AASS: variants seen among roughly 807,000 people sequenced by gnomAD.
AASS encodes the protein aminoadipate-semialdehyde synthase, also known as alpha-aminoadipic semialdehyde synthase, mitochondrial.
AASS carries 86 observed loss-of-function variants against 105.4 expected under a neutral mutation model. The ratio of observed to expected loss-of-function variants is 0.82; its 90% CI spans 0.69 to 0.98. The LOEUF (loss-of-function observed/expected upper bound fraction) is 0.98, where lower values mean the gene tolerates loss of function less well. Ranked by LOEUF, AASS falls within the 50% of genes least tolerant of loss-of-function variation. The pLI is 0.00. For synonymous variants in AASS, 381 were observed against 394.8 expected (o/e 0.96, Z 0.41); for missense variants, 1,048 against 1,143.2 (o/e 0.92, Z 1.20).
At chr7:122,113,837 T>C in intron 9 of AASS, 117 bp from the exon 10 acceptor site, 1 of 1,184,360 alleles carries the variant, frequency 8.4e-7, no homozygotes, top group Non-Finnish European at 1.2e-6. Context: ...TTCCAGGCTT[T>C]TGGGGTCTTT....
In AASS at chr7:122,074,577, A is replaced by T. The variant is rs1267042990; in HGVS notation, c.*1912T>A. Among the ~76,000 whole-genome samples the T allele has an allele frequency of 7.9e-5, 12 of 152,256 alleles. No individual in the cohort carries two copies. Among genetic ancestry groups the T allele is most frequent in the Admixed American group, 2.6e-4 (4 of 15,286 alleles). The stretch of plus-strand genomic sequence containing the variant: ...ATTCAAAGTCAGAAAGATTTACGCC[A>T]TGTTTTCTTTGAAGATACTTACAAT... On this transcript the variant is annotated 3_prime_UTR_variant, in exon 24 of 24. Coordinates refer to ENST00000417368, the MANE Select transcript of AASS (RefSeq NM_005763.4).
chr7:122,089,369 G>A (rs1562909640), intron 18 of AASS, among the ~76,000 whole-genome samples: 1 of 152,108 alleles, frequency 6.6e-6, no homozygotes, highest in Non-Finnish European at 1.5e-5. Flanking sequence ...AAGAGGAAAC[G>A]CAGGTGGGAC....
In AASS at chr7:122,081,591, T is replaced by C. The variant is rs1793325359; in HGVS notation, c.2189A>G (p.Tyr730Cys). 9 of 1,607,474 alleles carry C rather than the reference T, an allele frequency of 5.6e-6. No homozygotes were observed. The East Asian group carries it at 6.7e-5, about 12-fold the overall frequency. The change falls in exon 20 of 24, where the codon TAT (tyrosine) becomes TGT (cysteine). Residue 730 changes from tyrosine (Y) to cysteine (C), a missense_variant. By Grantham distance (194) the Tyr-to-Cys change is radical. Coordinates refer to ENST00000417368, the MANE Select transcript of AASS (RefSeq NM_005763.4). ...TACAAATCCATTCAAAGCTTTCATA[T>C]ATCCCTGAAACAAGAATTAATAAGC... is the stretch of plus-strand genomic sequence containing the variant. Reference protein sequence around the residue: ...LLRGTLRYKGYMKALNGFVKL... With the variant: ...LLRGTLRYKGCMKALNGFVKL...
intron 4 of AASS, among the ~76,000 whole-genome samples, chr7:122,125,571 G>A (rs1012697820): frequency 1.1e-4 from 17 of 152,132 alleles, no homozygotes; most frequent in African/African-American, 3.9e-4. Context: ...TTCTGTATTC[G>A]TTCCTATTGG....
At chr7:122,094,170 T>C (rs1483977769) in intron 15 of AASS, among the ~76,000 whole-genome samples, 3 of 152,168 alleles carry the variant, frequency 2.0e-5, no homozygotes, top group African/African-American at 4.8e-5. Flanking sequence ...GACAGATTCA[T>C]TGATACTCCA....
chr7:122,137,559 C>T (rs1057429339), intron 1 of AASS, among the ~76,000 whole-genome samples: 1 of 151,938 alleles, frequency 6.6e-6, no homozygotes, highest in African/African-American at 2.4e-5. Flanking sequence ...TTTCTGGGTG[C>T]TTAGAAAAAA....
chr7:122,095,886 T>G (rs1263492859), intron 15 of AASS, among the ~76,000 whole-genome samples: 3 of 152,134 alleles, frequency 2.0e-5, no homozygotes, highest in Non-Finnish European at 4.4e-5. Flanking sequence ...TAAATCACAT[T>G]CTCCATATTA....
At chr7:122,104,247 T>C (rs571951330) in intron 11 of AASS, among the ~76,000 whole-genome samples, 14 of 152,026 alleles carry the variant, frequency 9.2e-5, no homozygotes, top group African/African-American at 2.9e-4. Context: ...CAGTGGTGAA[T>C]TGGATAAAGA....
rs755606915 is a variant in AASS at position 122,074,375 on chromosome 7, C to CA, written c.*2113dup. Among the ~76,000 whole-genome samples the CA allele has an allele frequency of 1.1e-4, 16 of 152,120 alleles. No individual in the cohort carries two copies. Among genetic ancestry groups the CA allele is most frequent in the Non-Finnish European group, 2.2e-4 (15 of 68,016 alleles). On this transcript the variant is annotated 3_prime_UTR_variant, in exon 24 of 24. Coordinates refer to ENST00000417368, the MANE Select transcript of AASS (RefSeq NM_005763.4). ...AACAGTTCTTTACATATTCTAAATA[C>CA]AAATTCCTCCCTTAACTAATACATG...
chr7:122,105,626 T>A (rs1167821712), intron 11 of AASS, among the ~76,000 whole-genome samples: 1 of 151,890 alleles, frequency 6.6e-6, no homozygotes, highest in Non-Finnish European at 1.5e-5. Flanking sequence ...TCCTCATCAA[T>A]CAAGGAGTCA....
intron 15 of AASS, among the ~76,000 whole-genome samples, chr7:122,094,039 A>T (rs1794028794): frequency 6.6e-6 from 1 of 152,044 alleles, no homozygotes; most frequent in Non-Finnish European, 1.5e-5. Context: ...GGAGCTGAAC[A>T]CTGGGTACAC....
intron 2 of AASS, among the ~76,000 whole-genome samples, chr7:122,131,426 T>C (rs945045904): frequency 9.2e-5 from 14 of 151,988 alleles, no homozygotes; most frequent in African/African-American, 3.1e-4. Flanking sequence ...ACACTATTTA[T>C]ACATATCATA....
At position 122,133,694 on chromosome 7, in the gene AASS, C is replaced by A. The variant is rs780915761; in HGVS notation, c.33G>T (p.Arg11Ser). 23 of 1,614,028 alleles carry A rather than the reference C, an allele frequency of 1.4e-5. 1 individual carries two copies. The South Asian group carries it at 2.1e-4, about 15-fold the overall frequency. MLQVHRTGLG[R>S]LGVSLSKGLH... ...GACCCTTGGAGAGGCTGACCCCCAGCCTGCCCAGTCCAGTCCTATGTACTT... is the reference window on the plus strand; with the variant it reads ...GACCCTTGGAGAGGCTGACCCCCAGACTGCCCAGTCCAGTCCTATGTACTT... Residue 11 changes from arginine to serine, a missense_variant, in exon 2 of 24, where the codon AGG becomes AGT. Arg to Ser is a moderately radical substitution (Grantham distance 110). Coordinates refer to ENST00000417368, the MANE Select transcript of AASS (RefSeq NM_005763.4).
chr7:122,115,552 T>C (rs566111426), intron 8 of AASS, among the ~76,000 whole-genome samples: 1 of 152,180 alleles, frequency 6.6e-6, no homozygotes, highest in African/African-American at 2.4e-5. Context: ...TTTCCAGCTC[T>C]AATATCAGTA....
At chr7:122,085,484 C>G (rs1043488742) in intron 19 of AASS, among the ~76,000 whole-genome samples, 2 of 151,980 alleles carry the variant, frequency 1.3e-5, no homozygotes, top group Non-Finnish European at 2.9e-5. Context: ...TCCTCCCGCC[C>G]CAGTCCATGT....
At chr7:122,089,087 TC>T (rs986493163) in intron 18 of AASS, among the ~76,000 whole-genome samples, 2 of 152,034 alleles carry the variant, frequency 1.3e-5, no homozygotes, top group African/African-American at 4.8e-5. Flanking sequence ...TGACTTGGTT[TC>T]CCATTATGAT....
chr7:122,119,351 A>G (rs1265455302), intron 4 of AASS, among the ~76,000 whole-genome samples: 1 of 152,078 alleles, frequency 6.6e-6, no homozygotes. Context: ...TTCAAGTACT[A>G]TCTATATGCA....
rs1385025551 is a variant in AASS, at chr7:122,113,241, A to G, written c.1167-12T>C. On this transcript the variant is annotated splice_polypyrimidine_tract_variant and intron_variant, in intron 10 of 23. Coordinates refer to ENST00000417368, the MANE Select transcript of AASS (RefSeq NM_005763.4). ...CCGAGCCTTCAACACTAAAAGCAGC[A>G]ATGTGGTTTATTCAGAAGCACAAAA... is the stretch of plus-strand genomic sequence containing the variant. The G allele has an allele frequency of 6.2e-7, 1 of 1,609,902 alleles. No homozygotes were observed. The highest frequency in any genetic ancestry group is 1.3e-5 in the African/African-American group (1 of 74,954).
chr7:122,130,801 C>G (rs1429465446), intron 2 of AASS, among the ~76,000 whole-genome samples: 2 of 151,890 alleles, frequency 1.3e-5, no homozygotes, highest in African/African-American at 4.8e-5. Flanking sequence ...TCCATTTTCT[C>G]ATTTGTAGTA....
Sources: gnomAD v4.1 joint callset for allele counts (sites outside exome capture counted in the v4.1 genomes callset) on GRCh38, gnomAD v4.1.1 for gene constraint, MANE v1.5 for transcripts, NCBI Gene and HGNC (gene_info 2026-07-23, HGNC 2026-07-21) for gene names.